The following STARD8 variants were observed in gnomAD, a reference collection of about 807,000 sequenced individuals.
STARD8 encodes the protein StAR related lipid transfer domain containing 8.
In STARD8, 25 loss-of-function variants were observed where a neutral mutation model predicts 69.4. The ratio of observed to expected loss-of-function variants is 0.36; its 90% CI spans 0.26 to 0.50. The LOEUF is 0.50. STARD8 is among the 20% of genes least tolerant of loss of function. The probability of loss-of-function intolerance (pLI) is 0.96; values close to 1 mark genes in which losing one functional copy is unlikely to be tolerated. For missense variants in STARD8, 921 were observed against 932.5 expected (o/e 0.99, Z 0.16); for synonymous variants, 389 against 374.6 (o/e 1.04, Z -0.45).
At chrX:68,721,901 T>G in intron 10 of STARD8, 146 bp from the exon 11 acceptor site, 3 of 781,718 alleles carry the variant, frequency 3.8e-6, no homozygotes, top group Non-Finnish European at 5.5e-6. Flanking sequence ...TGGGATGCTG[T>G]GGAGCAGGGC....
intron 2 of STARD8, among the ~76,000 whole-genome samples, chrX:68,669,457 C>T (rs181279368): frequency 8.5e-4 from 96 of 112,337 alleles, no homozygotes; most frequent in Non-Finnish European, 9.8e-4. Flanking sequence ...CCGCGGAGCT[C>T]ATTAGCTCGC....
intron 4 of STARD8, among the ~76,000 whole-genome samples, 174 bp from the exon 5 acceptor site, chrX:68,716,194 G>A (rs1273763279): frequency 1.8e-5 from 2 of 112,022 alleles, no homozygotes; most frequent in Non-Finnish European, 3.8e-5. Flanking sequence ...AGCTCCTGGA[G>A]GGCAGAGGCC....
At chrX:68,665,701 G>A (rs775204196) in intron 2 of STARD8, among the ~76,000 whole-genome samples, 169 bp downstream of exon 2, 5 of 112,057 alleles carry the variant, frequency 4.5e-5, no homozygotes, top group South Asian at 3.7e-4. Flanking sequence ...TGTCCTCCTC[G>A]GGCCCTGCTT....
intron 1 of STARD8, among the ~76,000 whole-genome samples, chrX:68,648,664 A>C (rs1429738039): frequency 9.0e-6 from 1 of 111,630 alleles, no homozygotes; most frequent in African/African-American, 3.3e-5. Context: ...AAAGTGACAA[A>C]TATTTACCAG....
At chrX:68,702,712 G>A (rs2079975364) in intron 2 of STARD8, among the ~76,000 whole-genome samples, 2 of 110,526 alleles carry the variant, frequency 1.8e-5, no homozygotes, top group South Asian at 3.9e-4. Flanking sequence ...ATATCTCTGG[G>A]CCTCAGTTTC....
At chrX:68,675,082 C>T (rs992975314) in intron 2 of STARD8, among the ~76,000 whole-genome samples, 23 of 109,879 alleles carry the variant, frequency 2.1e-4, no homozygotes, top group African/African-American at 6.6e-4. Context: ...TCAGCCTCCC[C>T]GAGTAGCTAG....
intron 2 of STARD8, among the ~76,000 whole-genome samples, chrX:68,678,953 G>A (rs1393366964): frequency 8.9e-6 from 1 of 112,125 alleles, no homozygotes; most frequent in African/African-American, 3.2e-5. Context: ...AAATTTCTCT[G>A]TGCAGGTTTG....
At chrX:68,693,793 C>G in intron 2 of STARD8, 1 of 755,040 alleles carries the variant, frequency 1.3e-6, no homozygotes, top group Non-Finnish European at 1.6e-6. Flanking sequence ...TCTGTGTCAG[C>G]GCCCGAACCC....
chrX:68,663,737 TC>T (rs1214598559), intron 1 of STARD8, among the ~76,000 whole-genome samples: 1 of 111,261 alleles, frequency 9.0e-6, no homozygotes, highest in African/African-American at 3.3e-5. Context: ...TCTTCTTTCC[TC>T]CCCCTTTGTC....
intron 6 of STARD8, 141 bp from the exon 7 acceptor site, chrX:68,719,084 A>G (rs1429834149): frequency 9.0e-6 from 7 of 776,830 alleles, no homozygotes; most frequent in Non-Finnish European, 1.2e-5. Context: ...CTGGGGCCTC[A>G]GCAGCAGCAC....
At chrX:68,720,566 GTTCT>G in intron 8 of STARD8, 143 bp downstream of exon 8, 2 of 742,959 alleles carry the variant, frequency 2.7e-6, no homozygotes, top group Non-Finnish European at 3.7e-6. Flanking sequence ...GGCCTTTGCT[GTTCT>G]CAGCAAGGAC....
rs867576153 is a variant in STARD8 at position 68,668,060 on chromosome X, T to C, written c.79+2528T>C. Among the ~76,000 whole-genome samples, 12 of 50,524 alleles carry C rather than the reference T, an allele frequency of 2.4e-4. 1 individual carries two copies. The highest frequency in any genetic ancestry group is 9.1e-4 in the African/African-American group (11 of 12,028). The allele number at this position is 50,524 out of a possible 115,157, so 43.9% of individuals were successfully genotyped here. A position where few individuals can be genotyped will look rare whatever the true frequency, so the allele number is the denominator to read the frequency against. On this transcript the variant is annotated intron_variant, in intron 2 of 14. Transcript: ENST00000374599. ...TTTCCCTCTTTCTCTCTCTTTCTTT[T>C]CTTTCTTTCTTTCTTTCTTTCTTTC...
chrX:68,719,664 G>C (rs750264442), intron 7 of STARD8, among the ~76,000 whole-genome samples: 4 of 112,325 alleles, frequency 3.6e-5, no homozygotes, highest in Non-Finnish European at 7.5e-5. Flanking sequence ...TCACTCTCCA[G>C]ATAAACACTT....
intron 2 of STARD8, among the ~76,000 whole-genome samples, chrX:68,666,038 T>C (rs1169774754): frequency 1.8e-5 from 2 of 111,852 alleles, no homozygotes; most frequent in Non-Finnish European, 3.8e-5. Flanking sequence ...TATATAGCCT[T>C]TTCCTTTTGC....
At position 68,723,952 on chromosome X, in the gene STARD8, C is replaced by A; in HGVS notation, c.3025C>A (p.Arg1009Ser). 1 of 1,211,645 alleles carries A rather than the reference C, an allele frequency of 8.3e-7. No homozygotes were observed. Among genetic ancestry groups the A allele is most frequent in the Admixed American group, 2.2e-5 (1 of 46,083 alleles). The change falls in exon 14 of 15, where the codon CGC (arginine) becomes AGC (serine). Residue 1009 changes from arginine (R) to serine (S), a missense_variant. Physicochemically the swap from Arg to Ser is moderately radical, Grantham distance 110 (BLOSUM62 -1). Transcript: ENST00000374599. ...GTGTCCCTTCTCCAATAGGATGTGG[C>A]GCTCTGACCTGCCTCGTGGGGGTTG... The part of the protein sequence containing the change: ...CRDFVVLRMW[R>S]SDLPRGGCLL...
At chrX:68,677,872 G>A (rs1406770670) in intron 2 of STARD8, among the ~76,000 whole-genome samples, 1 of 89,179 alleles carries the variant, frequency 1.1e-5, no homozygotes, top group African/African-American at 4.5e-5. Context: ...TATATATAGA[G>A]AGAGAGGAAG....
chrX:68,654,952 C>T (rs923499041), intron 1 of STARD8, among the ~76,000 whole-genome samples: 3 of 112,134 alleles, frequency 2.7e-5, no homozygotes, highest in African/African-American at 6.5e-5. Flanking sequence ...ATTCCTTTGC[C>T]CTTGTCATCC....
intron 2 of STARD8, among the ~76,000 whole-genome samples, chrX:68,685,227 G>A (rs772257792): frequency 9.0e-6 from 1 of 111,615 alleles, no homozygotes; most frequent in Non-Finnish European, 1.9e-5. Context: ...TATTCCCATC[G>A]TGTCATAGGA....
intron 3 of STARD8, 53 bp from the exon 4 acceptor site, chrX:68,715,241 G>T: frequency 9.2e-7 from 1 of 1,082,218 alleles, no homozygotes; most frequent in Non-Finnish European, 1.3e-6. Context: ...GGCTGCTGAG[G>T]CTGAGTTTGT....
Sources: allele counts gnomAD v4.1 joint callset (sites outside exome capture counted in the v4.1 genomes callset), GRCh38; gene constraint gnomAD v4.1.1; transcripts MANE v1.5; gene names NCBI Gene and HGNC (gene_info 2026-07-23, HGNC 2026-07-21).